The following TATDN3 variants were observed in gnomAD, a reference collection of about 807,000 sequenced individuals.
TATDN3 encodes TatD DNase domain containing 3, also known as deoxyribonuclease TATDN3.
TATDN3 carries 29 observed loss-of-function variants against 40.1 expected under a neutral mutation model. The observed-to-expected ratio is 0.72, with a 90% CI of 0.54 to 0.99. TATDN3 has a LOEUF of 0.99. TATDN3 is among the 50% of genes least tolerant of loss of function. The pLI, the probability that TATDN3 is intolerant of heterozygous loss-of-function variation, is 0.00. For missense variants in TATDN3, 309 were observed against 321.9 expected (o/e 0.96, Z 0.31); for synonymous variants, 105 against 117.0 (o/e 0.90, Z 0.66).
intron 9 of TATDN3, among the ~76,000 whole-genome samples, chr1:212,812,784 C>A (rs1211253458): frequency 6.6e-6 from 1 of 152,262 alleles, no homozygotes; most frequent in Non-Finnish European, 1.5e-5. Flanking sequence ...GGGCAGATCA[C>A]CTGAGGTCAG....
At chr1:212,792,473 CAA>C (rs571045425) in intron 1 of TATDN3, among the ~76,000 whole-genome samples, 4 of 120,462 alleles carry the variant, frequency 3.3e-5, no homozygotes, top group Admixed American at 8.8e-5. Flanking sequence ...CTCGTCCCTA[CAA>C]AAAAAAAAAA....
At chr1:212,792,072 A>G in intron 1 of TATDN3, 85 bp downstream of exon 1, 2 of 1,362,078 alleles carry the variant, frequency 1.5e-6, no homozygotes, top group South Asian at 1.2e-5. Flanking sequence ...CTCCCTTGGG[A>G]CGAAACCCCA....
At chr1:212,812,498 A>G (rs3006239) in intron 9 of TATDN3, among the ~76,000 whole-genome samples, 170 bp downstream of exon 9, 135,886 of 152,212 alleles carry the variant, frequency 0.89, 60,666 homozygotes, top group East Asian at 0.98. Flanking sequence ...TAGCTGTTGC[A>G]CTCCAGAGAA....
rs1663122619 is a variant in TATDN3 at position 212,815,235 on chromosome 1, C to A, written c.*79C>A. 34 of 1,482,282 alleles carry A rather than the reference C, an allele frequency of 2.3e-5. No homozygotes were observed. Among genetic ancestry groups the A allele is most frequent in the Non-Finnish European group, 2.8e-5 (31 of 1,107,858 alleles). 91.8% of individuals were successfully genotyped at this position (1,482,282 alleles called of 1,614,324 possible). A position where few individuals can be genotyped will look rare whatever the true frequency, so the allele number is the denominator to read the frequency against. ...AAATAGAAATGTTCTGATGAAGAAT[C>A]TGAACTGAAGAAGCTGTTTTATAGG... On this transcript the variant is annotated 3_prime_UTR_variant, in exon 10 of 10. Coordinates refer to ENST00000366974, the MANE Select transcript of TATDN3 (RefSeq NM_001042552.3).
chr1:212,813,379 T>C (rs1328630711), intron 9 of TATDN3, among the ~76,000 whole-genome samples: 1 of 152,162 alleles, frequency 6.6e-6, no homozygotes, highest in African/African-American at 2.4e-5. Flanking sequence ...ATAAGTGCCT[T>C]TGACTACCCA....
intron 4 of TATDN3, among the ~76,000 whole-genome samples, chr1:212,802,154 A>G (rs1662212601): frequency 6.6e-6 from 1 of 152,204 alleles, no homozygotes; most frequent in Non-Finnish European, 1.5e-5. Context: ...AGCTACTTCA[A>G]TATTTAACAA....
In TATDN3 at chr1:212,804,748, G is replaced by A. The variant is rs1318403969; in HGVS notation, c.487+97G>A. ...AAGCCATGTTTTAATCTGATTTCTT[G>A]AAGGGCAGGGGCAAGAAGGGGGGCA... On this transcript the variant is annotated intron_variant, in intron 7 of 9. Coordinates refer to ENST00000366974, the MANE Select transcript of TATDN3 (RefSeq NM_001042552.3). 29 of 1,086,544 alleles carry A rather than the reference G, an allele frequency of 2.7e-5. No homozygotes were observed. In the East Asian group the frequency reaches 7.1e-4, roughly 27 times the overall value. 67.3% of individuals were successfully genotyped at this position (1,086,544 alleles called of 1,614,324 possible).
intron 1 of TATDN3, 37 bp from the exon 2 acceptor site, chr1:212,795,058 C>A: frequency 1.3e-6 from 2 of 1,562,334 alleles, no homozygotes; most frequent in East Asian, 2.2e-5. Context: ...GCTGCTTATT[C>A]ATCTAAAATA....
chr1:212,806,761 TATATATATATATATATATATATAC>T (rs1266852913), intron 7 of TATDN3, among the ~76,000 whole-genome samples: 2 of 111,216 alleles, frequency 1.8e-5, no homozygotes, highest in Non-Finnish European at 3.7e-5. Flanking sequence ...TATATATATA[TATATATATATATATATATATATAC>T]ACACACACAC....
intron 2 of TATDN3, among the ~76,000 whole-genome samples, chr1:212,795,970 A>G (rs541082119): frequency 1.6e-4 from 24 of 152,350 alleles, no homozygotes; most frequent in African/African-American, 4.3e-4. Context: ...CAACAGCCCT[A>G]TGGAACAAAT....
chr1:212,798,225 C>G (rs759179072), intron 4 of TATDN3, among the ~76,000 whole-genome samples: 1 of 151,680 alleles, frequency 6.6e-6, no homozygotes, highest in African/African-American at 2.4e-5. Context: ...ACTCGGGAGA[C>G]TAAGGTGGGA....
At chr1:212,798,536 C>CAAAAAAAAAAAA (rs11296428) in intron 4 of TATDN3, among the ~76,000 whole-genome samples, 11 of 91,284 alleles carry the variant, frequency 1.2e-4, no homozygotes, top group South Asian at 3.9e-4. Flanking sequence ...CTCAAAAACT[C>CAAAAAAAAAAAA]AAAAAAAAAA....
intron 4 of TATDN3, among the ~76,000 whole-genome samples, chr1:212,800,495 A>G (rs1167356788): frequency 6.6e-6 from 1 of 151,440 alleles, no homozygotes; most frequent in Non-Finnish European, 1.5e-5. Context: ...TTTGCTCTCC[A>G]GTTAGCTACT....
Position 212,807,752 on chromosome 1 carries a change from G to C in TATDN3, c.504G>C (p.Leu168=). 1 of 1,613,106 alleles carries C rather than the reference G, an allele frequency of 6.2e-7. No homozygotes were observed. Among genetic ancestry groups the C allele is most frequent in the Non-Finnish European group, 8.5e-7 (1 of 1,179,692 alleles). Residue 168 remains leucine (L), a synonymous_variant, in exon 8 of 10, where the codon CTG becomes CTC. Transcript: ENST00000366974. ...LLQEQGAEKV[L]LHAFDGRPSV... is the part of the protein sequence containing the mutation. ...TTTTGAAAGGTGCTGAGAAGGTACT[G>C]CTGCATGCATTTGATGGTCGGCCAT...
intron 9 of TATDN3, 86 bp downstream of exon 9, chr1:212,812,414 G>T (rs983774647): frequency 1.3e-6 from 1 of 760,336 alleles, no homozygotes; most frequent in Non-Finnish European, 2.2e-6. Context: ...TCATTATAGT[G>T]TAAATACAGT....
Position 212,807,820 on chromosome 1 carries a change from T to C in TATDN3, c.572T>C (p.Ile191Thr). ...GTAAGAGCTGGGTACTTCTTCTCAA[T>C]TCCCCCTTCTATCATAAGAAGTGGA... is the stretch of plus-strand genomic sequence containing the variant. ...EGVRAGYFFSIPPSIIRSGQK... is the reference protein window; with the variant it reads ...EGVRAGYFFSTPPSIIRSGQK... The change falls in exon 8 of 10, where the codon ATT becomes ACT. Residue 191 changes from isoleucine to threonine, a missense_variant. Physicochemically the swap from Ile to Thr is moderately conservative, Grantham distance 89 (BLOSUM62 -1). Coordinates refer to ENST00000366974, the MANE Select transcript of TATDN3 (RefSeq NM_001042552.3). 6.2e-7 allele frequency: 1 copy of C among 1,613,364 alleles called. No individual in the cohort carries two copies. Among genetic ancestry groups the C allele is most frequent in the South Asian group, 1.1e-5 (1 of 90,884 alleles).
At chr1:212,813,546 A>G (rs1374818058) in intron 9 of TATDN3, among the ~76,000 whole-genome samples, 2 of 140,406 alleles carry the variant, frequency 1.4e-5, no homozygotes, top group Admixed American at 7.3e-5. Context: ...TAATGTTTCT[A>G]TTTTTATTTT....
At chr1:212,805,408 A>G (rs1428784271) in intron 7 of TATDN3, among the ~76,000 whole-genome samples, 1 of 151,630 alleles carries the variant, frequency 6.6e-6, no homozygotes, top group Non-Finnish European at 1.5e-5. Context: ...GGTGCGTGCC[A>G]CCACACCCAG....
chr1:212,811,478 G>A (rs924272637), intron 8 of TATDN3, among the ~76,000 whole-genome samples: 1 of 144,850 alleles, frequency 6.9e-6, no homozygotes, highest in African/African-American at 2.5e-5. Context: ...TGCCCAGGCT[G>A]GTCTCGAACT....
Sources: gnomAD v4.1 joint callset for allele counts (sites outside exome capture counted in the v4.1 genomes callset) on GRCh38, gnomAD v4.1.1 for gene constraint, MANE v1.5 for transcripts, NCBI Gene and HGNC (gene_info 2026-07-23, HGNC 2026-07-21) for gene names.